The following TSPAN4 variants were observed in gnomAD, a reference collection of about 807,000 sequenced individuals.
TSPAN4 encodes the protein tetraspanin-4.
In TSPAN4, 38 loss-of-function variants were observed where a neutral mutation model predicts 31.5. The observed-to-expected ratio is 1.21, with a 90% CI of 0.93 to 1.58. The LOEUF is 1.58. TSPAN4 is among the 40% of genes most tolerant of loss of function. TSPAN4 has a pLI of 0.00. For synonymous variants in TSPAN4, 186 were observed against 144.6 expected (o/e 1.29, Z -2.06); for missense variants, 330 against 317.3 (o/e 1.04, Z -0.30).
chr11:851,115 CA>C (rs1341158207), intron 3 of TSPAN4, among the ~76,000 whole-genome samples: 1 of 152,228 alleles, frequency 6.6e-6, no homozygotes, highest in African/African-American at 2.4e-5. Context: ...CACCCCACCC[CA>C]GCCCCATGTC....
intron 3 of TSPAN4, among the ~76,000 whole-genome samples, chr11:852,490 C>T (rs552520198): frequency 6.6e-6 from 1 of 152,072 alleles, no homozygotes; most frequent in East Asian, 1.9e-4. Context: ...CAGCCTTGGC[C>T]CCCCCCAACC....
At position 850,076 on chromosome 11, in the gene TSPAN4, T is replaced by G. The variant is rs866151896; in HGVS notation, c.-17-212T>G. Reference sequence around the variant, plus strand: ...AGTCCACGTACCGGCGCAGCCCCTCTCCGGAGGGCAAGGAGCCGGACTTCG... The same window carrying G: ...AGTCCACGTACCGGCGCAGCCCCTCGCCGGAGGGCAAGGAGCCGGACTTCG... On this transcript the variant is annotated intron_variant, in intron 2 of 8. Coordinates refer to ENST00000397397, the MANE Select transcript of TSPAN4 (RefSeq NM_003271.5). 399 of 399,496 alleles carry G rather than the reference T, an allele frequency of 1.0e-3. No individual in the cohort carries two copies. In the Middle Eastern group the frequency reaches 0.017, roughly 17 times the overall value. 24.7% of individuals were successfully genotyped at this position (399,496 alleles called of 1,614,324 possible). A position where few individuals can be genotyped will look rare whatever the true frequency, so the allele number is the denominator to read the frequency against.
intron 1 of TSPAN4, 118 bp downstream of exon 1, chr11:843,033 C>G (rs1847055925): frequency 6.6e-6 from 1 of 152,006 alleles, no homozygotes; most frequent in South Asian, 2.1e-4. Flanking sequence ...CCAGAGCCGA[C>G]ACGCAGCAAC....
Position 865,844 on chromosome 11 carries a change from C to G in TSPAN4, c.564+19C>G. ...GAAGGCGGTGAGTGAGACCCCCACC[C>G]TGGGGGCTGGTAGGGGCCTAGAGGG... is the stretch of plus-strand genomic sequence containing the variant. On this transcript the variant is annotated intron_variant, in intron 7 of 8. Transcript: ENST00000397397. 3 of 1,612,228 alleles carry G rather than the reference C, an allele frequency of 1.9e-6. No individual in the cohort carries two copies. The highest frequency in any genetic ancestry group is 2.5e-6 in the Non-Finnish European group (3 of 1,179,654).
chr11:850,405 CCGGGGTCCCTCCCGCGGCGGGTCG>C, intron 3 of TSPAN4, 38 bp downstream of exon 3: 2 of 1,572,078 alleles, frequency 1.3e-6, no homozygotes, highest in Non-Finnish European at 1.7e-6. Flanking sequence ...CGGGAAAGAC[CCGGGGTCCCTCCCGCGGCGGGTCG>C]CGGGGTCTGG....
chr11:854,821 C>G (rs1314905489), intron 3 of TSPAN4, among the ~76,000 whole-genome samples: 6 of 152,240 alleles, frequency 3.9e-5, no homozygotes, highest in African/African-American at 9.6e-5. Context: ...CTGCCTGGCG[C>G]TGGCCTCTGG....
At position 866,913 on chromosome 11, in the gene TSPAN4, A is replaced by G; in HGVS notation, c.*283A>G. ...CACTTTTTATATTTACGTATTCTCC[A>G]AAGCAGTGTTCACACGGGAGCCAGC... is the stretch of plus-strand genomic sequence containing the variant. On this transcript the variant is annotated 3_prime_UTR_variant, in exon 9 of 9. Coordinates refer to ENST00000397397, the MANE Select transcript of TSPAN4 (RefSeq NM_003271.5). 2.6e-6 allele frequency: 1 copy of G among 381,686 alleles called. No homozygotes were observed. Among genetic ancestry groups the G allele is most frequent in the Non-Finnish European group, 4.8e-6 (1 of 210,000 alleles). 23.6% of individuals were successfully genotyped at this position (381,686 alleles called of 1,614,324 possible).
In TSPAN4 at chr11:865,525, GC is replaced by G. The variant is rs1358284361; in HGVS notation, c.346del (p.Gln116SerfsTer4). ...FAYTDKIDRY[A>X]QQDLKKGLHL... ...CCCGCACCCCCAGATTGACAGGTAT[GC>G]CCAGCAAGACCTGAAGAAAGGCTTG... On this transcript the variant is annotated frameshift_variant, in exon 6 of 9. Coordinates refer to ENST00000397397, the MANE Select transcript of TSPAN4 (RefSeq NM_003271.5). LOFTEE classifies it high-confidence loss of function. 1 of 1,611,362 alleles carries G rather than the reference GC, an allele frequency of 6.2e-7. No individual in the cohort carries two copies. The highest frequency in any genetic ancestry group is 2.2e-5 in the East Asian group (1 of 44,858).
chr11:846,923 G>A (rs1847354077), intron 1 of TSPAN4, among the ~76,000 whole-genome samples: 1 of 152,216 alleles, frequency 6.6e-6, no homozygotes, highest in African/African-American at 2.4e-5. Flanking sequence ...GTGTCTCTGT[G>A]AGTGTGAGTC....
intron 3 of TSPAN4, among the ~76,000 whole-genome samples, chr11:850,647 G>T (rs780810135): frequency 5.9e-5 from 9 of 152,098 alleles, no homozygotes; most frequent in Non-Finnish European, 1.2e-4. Flanking sequence ...TTGATGAGAC[G>T]GGACACGTTG....
chr11:865,373 T>C (rs1848709834), intron 5 of TSPAN4, 140 bp from the exon 6 acceptor site: 5 of 662,726 alleles, frequency 7.5e-6, no homozygotes, highest in East Asian at 5.5e-5. Context: ...CCGGTGTGTC[T>C]GCAGCTTGGT....
Position 845,932 on chromosome 11 carries a change from C to T in TSPAN4, c.-117-1269C>T, listed in dbSNP as rs537763168. On this transcript the variant is annotated intron_variant, in intron 1 of 8. Coordinates refer to ENST00000397397, the MANE Select transcript of TSPAN4 (RefSeq NM_003271.5). ...TATGTAGCCCCCAGTCCCTGCTCCT[C>T]TGTGTGCATGAGGGAGTGCCAGCTT... Among the ~76,000 whole-genome samples the T allele has an allele frequency of 6.6e-5, 10 of 152,300 alleles. 1 individual carries two copies. The highest frequency in any genetic ancestry group is 2.4e-4 in the African/African-American group (10 of 41,548).
intron 4 of TSPAN4, chr11:863,014 C>T (rs1589793062): frequency 4.5e-6 from 2 of 447,868 alleles, no homozygotes; most frequent in African/African-American, 2.0e-5. Context: ...GACACTGGCC[C>T]TGGTGAGTGC....
At chr11:862,424 T>A (rs1848507714) in intron 3 of TSPAN4, 126 bp from the exon 4 acceptor site, 3 of 842,098 alleles carry the variant, frequency 3.6e-6, no homozygotes, top group South Asian at 3.6e-5. Context: ...AGCAGGACTC[T>A]GGGTGGTTCT....
chr11:865,528 C>T lies in TSPAN4; in HGVS notation c.346C>T (p.Gln116Ter), dbSNP rs764709108. Residue 116 changes from glutamine (Q) to a stop codon, truncating the protein, a stop_gained, in exon 6 of 9, where the codon CAG (glutamine) becomes TAG (stop). Transcript: ENST00000397397. LOFTEE classifies it high-confidence loss of function. ...GCACCCCCAGATTGACAGGTATGCCCAGCAAGACCTGAAGAAAGGCTTGCA... is the reference window on the plus strand; with the variant it reads ...GCACCCCCAGATTGACAGGTATGCCTAGCAAGACCTGAAGAAAGGCTTGCA... ...AYTDKIDRYA[Q>*]QDLKKGLHLY... The T allele has an allele frequency of 1.4e-5, 22 of 1,611,508 alleles. No individual in the cohort carries two copies. In the South Asian group the frequency reaches 1.4e-4, roughly 10 times the overall value.
At position 866,552 on chromosome 11, in the gene TSPAN4, C is replaced by T. The variant is rs1554996530; in HGVS notation, c.649-10C>T. ...AGCTGCCATGCCCAGTCCTCCTCCC[C>T]TACCTACAGATCCTGGGCCTGACCT... On this transcript the variant is annotated splice_polypyrimidine_tract_variant and intron_variant, in intron 8 of 8. Coordinates refer to ENST00000397397, the MANE Select transcript of TSPAN4 (RefSeq NM_003271.5). 6.2e-7 allele frequency: 1 copy of T among 1,612,732 alleles called. No individual in the cohort carries two copies. Among genetic ancestry groups the T allele is most frequent in the African/African-American group, 1.3e-5 (1 of 75,048 alleles).
intron 3 of TSPAN4, among the ~76,000 whole-genome samples, chr11:861,400 G>A (rs561083822): frequency 2.0e-5 from 3 of 152,246 alleles, no homozygotes. Context: ...TGATCATGAG[G>A]TCAGGAGATT....
Position 862,651 on chromosome 11 carries a change from C to T in TSPAN4, c.165C>T (p.Asn55=). The T allele has an allele frequency of 1.9e-6, 3 of 1,613,460 alleles. No homozygotes were observed. Among genetic ancestry groups the T allele is most frequent in the South Asian group, 1.1e-5 (1 of 91,084 alleles). ...CCTTCCCGTCCCTGTCGGCTGCCAA[C>T]TTGCTCATCATCACCGGCGCCTTTG... ...SSSFPSLSAA[N]LLIITGAFVM... is the part of the protein sequence containing the mutation. The change falls in exon 4 of 9, where the codon AAC becomes AAT. Residue 55 remains asparagine, a synonymous_variant. Transcript: ENST00000397397.
rs896411164 is a variant in TSPAN4 at position 848,431 on chromosome 11, G to T, written c.-18+1131G>T. The stretch of plus-strand genomic sequence containing the variant: ...TCCCCCAGCGAGGACCTGGGCATGG[G>T]GTGCTGCCCTGGGGCTTGGGCTGCA... On this transcript the variant is annotated intron_variant, in intron 2 of 8. Transcript: ENST00000397397. The surrounding 1 kb of genome is among the most constrained non-coding windows in gnomAD (Gnocchi z 5.7). Among the ~76,000 whole-genome samples, 4 of 152,060 alleles carry T rather than the reference G, an allele frequency of 2.6e-5. No homozygotes were observed. The highest frequency in any genetic ancestry group is 4.4e-5 in the Non-Finnish European group (3 of 67,968).
Sources: gnomAD v4.1 joint callset for allele counts (sites outside exome capture counted in the v4.1 genomes callset) on GRCh38, gnomAD v4.1.1 for gene constraint, Gnocchi (gnomAD v3.1) non-coding constraint, MANE v1.5 for transcripts, NCBI Gene and HGNC (gene_info 2026-07-23, HGNC 2026-07-21) for gene names.